ATP12A: variants seen among roughly 807,000 people sequenced by gnomAD.
The protein encoded by ATP12A is ATPase H+/K+ transporting non-gastric alpha2 subunit.
In ATP12A, 81 loss-of-function variants were observed where a neutral mutation model predicts 111.2. The observed-to-expected ratio is 0.73, with a 90% CI of 0.61 to 0.88. ATP12A has a LOEUF of 0.88. Among genes scored for constraint, ATP12A ranks in the 40% least tolerant of loss-of-function variants. The pLI is 0.00. For missense variants in ATP12A, 1,196 were observed against 1,313.1 expected, an observed-to-expected ratio of 0.91 and a Z score of 1.38; for synonymous variants, 498 against 499.8, an observed-to-expected ratio of 1.00 and a Z score of 0.05.
rs777074686 is a variant in ATP12A at position 24,690,303 on chromosome 13, G to A, written c.547-35G>A. 18 of 1,609,994 alleles carry A rather than the reference G, an allele frequency of 1.1e-5. No individual in the cohort carries two copies. The South Asian group carries it at 2.0e-4, about 18-fold the overall frequency. On this transcript the variant is annotated intron_variant, in intron 5 of 22. Coordinates refer to ENST00000381946, the MANE Select transcript of ATP12A (RefSeq NM_001676.7). ...TTGGGGGAGGGCCGGTGTCCTTCCA[G>A]GGTCTGAGGCATCTGTCATGGTTTT... is the stretch of plus-strand genomic sequence containing the variant.
In ATP12A at chr13:24,707,169, C is replaced by T. The variant is rs1427247901; in HGVS notation, c.2316C>T (p.Ser772=). 6.2e-7 allele frequency: 1 copy of T among 1,613,784 alleles called. No homozygotes were observed. Among genetic ancestry groups the T allele is most frequent in the African/African-American group, 1.3e-5 (1 of 74,926 alleles). ...DMVLLDDNFA[S]IVTGVEEGRL... ...TCTTGCTGGACGACAACTTCGCATCCATCGTCACAGGGGTGGAGGAAGGTG... is the reference window on the plus strand; with the variant it reads ...TCTTGCTGGACGACAACTTCGCATCTATCGTCACAGGGGTGGAGGAAGGTG... Residue 772 remains serine (S), a synonymous_variant, in exon 16 of 23, where the codon TCC becomes TCT. Coordinates refer to ENST00000381946, the MANE Select transcript of ATP12A (RefSeq NM_001676.7).
At chr13:24,686,129 CTGAAATAATGTCGAAAG>C (rs1874654380) in intron 3 of ATP12A, among the ~76,000 whole-genome samples, 1 of 152,124 alleles carries the variant, frequency 6.6e-6, no homozygotes, top group Non-Finnish European at 1.5e-5. Flanking sequence ...AAATGAGGAT[CTGAAATAATGTCGAAAG>C]ACATTACAGG....
In ATP12A at chr13:24,691,394, T is replaced by A. The variant is rs556297932; in HGVS notation, c.1068+144T>A. Reference sequence around the variant, plus strand: ...AGCGACAACCCTGGAACATTCTGCATAGACTGTTCCTTACAGAGACAAAAA... The same window carrying A: ...AGCGACAACCCTGGAACATTCTGCAAAGACTGTTCCTTACAGAGACAAAAA... On this transcript the variant is annotated intron_variant, in intron 8 of 22. Coordinates refer to ENST00000381946, the MANE Select transcript of ATP12A (RefSeq NM_001676.7). 4.8e-6 allele frequency: 5 copies of A among 1,047,394 alleles called. No homozygotes were observed. The Admixed American group carries it at 8.7e-5, about 18-fold the overall frequency. The allele number at this position is 1,047,394 out of a possible 1,614,324, so 64.9% of individuals were successfully genotyped here. A position where few individuals can be genotyped will look rare whatever the true frequency, so the allele number is the denominator to read the frequency against.
At chr13:24,691,873 G>A (rs1874920108) in intron 8 of ATP12A, among the ~76,000 whole-genome samples, 2 of 152,212 alleles carry the variant, frequency 1.3e-5, no homozygotes, top group Non-Finnish European at 2.9e-5. Context: ...AAGAGAAGAA[G>A]TTTTTGAAGT....
chr13:24,690,729 G>A lies in ATP12A; in HGVS notation c.799+8G>A, dbSNP rs1439535627. The A allele has an allele frequency of 1.2e-6, 2 of 1,608,632 alleles. No homozygotes were observed. Among genetic ancestry groups the A allele is most frequent in the Admixed American group, 1.7e-5 (1 of 59,534 alleles). ...CCACAACGTGTCTGGAAGGTAAAAGGCCTCTGGCTCTCAGCCCACATGTCC... is the reference window on the plus strand; with the variant it reads ...CCACAACGTGTCTGGAAGGTAAAAGACCTCTGGCTCTCAGCCCACATGTCC... On this transcript the variant is annotated splice_region_variant and intron_variant, in intron 7 of 22. Coordinates refer to ENST00000381946, the MANE Select transcript of ATP12A (RefSeq NM_001676.7).
At position 24,694,566 on chromosome 13, in the gene ATP12A, TAATAAATTTCAG is replaced by T; in HGVS notation, c.1501_1512del (p.Asn501_Gln504del). 1 of 1,612,922 alleles carries T rather than the reference TAATAAATTTCAG, an allele frequency of 6.2e-7. No homozygotes were observed. Among genetic ancestry groups the T allele is most frequent in the African/African-American group, 1.3e-5 (1 of 74,982 alleles). On this transcript the variant is annotated inframe_deletion and splice_region_variant, in exon 11 of 23. Transcript: ENST00000381946. Reference sequence around the variant, plus strand: ...TAGCTGAAATCCCTTTTAACTCTACTAATAAATTTCAGGTGAGTTTTTCCTCACAACCGGTAA... The same window carrying T: ...TAGCTGAAATCCCTTTTAACTCTACTGTGAGTTTTTCCTCACAACCGGTAA...
intron 3 of ATP12A, among the ~76,000 whole-genome samples, chr13:24,688,053 T>C (rs980608835): frequency 6.6e-6 from 1 of 152,176 alleles, no homozygotes; most frequent in African/African-American, 2.4e-5. Flanking sequence ...GGAGGAATAA[T>C]GGCCCCTGCC....
rs778198210 is a variant in ATP12A, at chr13:24,694,475, C to G, written c.1409C>G (p.Ala470Gly). The G allele has an allele frequency of 3.7e-6, 6 of 1,613,880 alleles. No homozygotes were observed. In the East Asian group the frequency reaches 1.3e-4, roughly 36 times the overall value. Residue 470 changes from alanine (A) to glycine (G), a missense_variant, in exon 11 of 23, where the codon GCT (alanine) becomes GGT (glycine). Transcript: ENST00000381946. ...KAVIGDASETALLKFSEVILG... is the reference protein window; with the variant it reads ...KAVIGDASETGLLKFSEVILG... ...GTGATTGGAGATGCCTCAGAAACTG[C>G]TCTTTTAAAATTCTCAGAGGTCATT...
chr13:24,707,295 C>T lies in ATP12A; in HGVS notation c.2355C>T (p.Asp785=). The change falls in exon 17 of 23, where the codon GAC becomes GAT. Residue 785 remains aspartate, a synonymous_variant. Transcript: ENST00000381946. ...TGVEEGRLIF[D]NLKKTIAYSL... ...TCTGCCTAGGTCGCCTGATCTTTGA[C>T]AACCTCAAGAAGACTATTGCTTATT... The T allele has an allele frequency of 1.2e-6, 2 of 1,614,204 alleles. No individual in the cohort carries two copies. The highest frequency in any genetic ancestry group is 1.7e-6 in the Non-Finnish European group (2 of 1,180,030).
chr13:24,710,889 C>T lies in ATP12A; in HGVS notation c.2995C>T (p.Leu999Phe). Reference protein sequence around the residue: ...GSVTALSFTMLRAQYWFVAVP... With the variant: ...GSVTALSFTMFRAQYWFVAVP... ...TGTCACAGCCTTGAGTTTCACCATG[C>T]TTAGGTGAGTTCACCCTCAACAGCA... The change falls in exon 21 of 23, where the codon CTT becomes TTT. Residue 999 changes from leucine to phenylalanine, a missense_variant. Transcript: ENST00000381946. The T allele has an allele frequency of 3.1e-6, 5 of 1,613,508 alleles. No individual in the cohort carries two copies. The highest frequency in any genetic ancestry group is 4.2e-6 in the Non-Finnish European group (5 of 1,179,438).
intron 1 of ATP12A, 52 bp from the exon 2 acceptor site, chr13:24,681,510 C>G (rs372676655): frequency 9.1e-5 from 145 of 1,588,088 alleles, no homozygotes; most frequent in Non-Finnish European, 1.2e-4. Context: ...CGCTCAGCAC[C>G]TCTTCGGAAA....
chr13:24,694,698 G>GA, intron 11 of ATP12A, 120 bp downstream of exon 11: 1 of 1,492,070 alleles, frequency 6.7e-7, no homozygotes. Flanking sequence ...AGTCGTCAGG[G>GA]ATACAGCACC....
intron 17 of ATP12A, among the ~76,000 whole-genome samples, chr13:24,708,900 G>GAAAGAAAGAAA (rs1172837437): frequency 3.1e-5 from 2 of 65,112 alleles, no homozygotes; most frequent in Non-Finnish European, 3.5e-5. Context: ...AAGAAAGAAA[G>GAAAGAAAGAAA]GAAAGAAAGA....
At position 24,690,646 on chromosome 13, in the gene ATP12A, C is replaced by T. The variant is rs771186944; in HGVS notation, c.724C>T (p.Arg242Cys). 41 of 1,613,744 alleles carry T rather than the reference C, an allele frequency of 2.5e-5. No homozygotes were observed. The highest frequency in any genetic ancestry group is 1.0e-4 in the Admixed American group (6 of 59,946). ...SLTGESEPQP[R>C]SSEFTHENPL... ...CACGGGGGAGTCTGAGCCCCAGCCC[C>T]GCTCCTCTGAGTTTACCCATGAAAA... Residue 242 changes from arginine (R) to cysteine (C), a missense_variant, in exon 7 of 23, where the codon CGC becomes TGC. Physicochemically the swap from Arg to Cys is radical, Grantham distance 180. Coordinates refer to ENST00000381946, the MANE Select transcript of ATP12A (RefSeq NM_001676.7).
In ATP12A at chr13:24,685,298, C is replaced by T. The variant is rs1323081496; in HGVS notation, c.169-16C>T. Reference sequence around the variant, plus strand: ...AATTATCTAATTCACTCTGTTCTTCCTTTCATGGACTTCAGGATGACCACA... The same window carrying T: ...AATTATCTAATTCACTCTGTTCTTCTTTTCATGGACTTCAGGATGACCACA... On this transcript the variant is annotated splice_polypyrimidine_tract_variant and intron_variant, in intron 2 of 22. Transcript: ENST00000381946. This position sits in a 1 kb window ranked among gnomAD's most constrained non-coding sequence, Gnocchi z 5.5. The T allele has an allele frequency of 6.2e-7, 1 of 1,612,458 alleles. No individual in the cohort carries two copies. Among genetic ancestry groups the T allele is most frequent in the Non-Finnish European group, 8.5e-7 (1 of 1,178,472 alleles).
chr13:24,709,457 C>T lies in ATP12A; in HGVS notation c.2587C>T (p.Pro863Ser), dbSNP rs2137724416. 1 of 1,614,090 alleles carries T rather than the reference C, an allele frequency of 6.2e-7. No homozygotes were observed. Among genetic ancestry groups the T allele is most frequent in the Non-Finnish European group, 8.5e-7 (1 of 1,180,028 alleles). Residue 863 changes from proline to serine, a missense_variant, in exon 18 of 23, where the codon CCG becomes TCG. Around this residue, in one of 3 missense-constraint regions of ATP12A, gnomAD observed 1,126 missense variants for 1,228.5 expected, o/e 0.92. Coordinates refer to ENST00000381946, the MANE Select transcript of ATP12A (RefSeq NM_001676.7). ...HKNKDRLVNQ[P>S]LAVYSYLHIG... is the part of the protein sequence containing the mutation. ...GAATAAGGACAGGCTGGTGAACCAG[C>T]CGCTCGCTGTGTACTCATACCTGCA...
At chr13:24,705,585 C>A (rs905410848) in intron 14 of ATP12A, among the ~76,000 whole-genome samples, 3 of 152,200 alleles carry the variant, frequency 2.0e-5, no homozygotes, top group Admixed American at 2.0e-4. Context: ...TCTGAAATAC[C>A]CAACGGCAAG....
At chr13:24,694,214 C>T (rs776534842) in intron 10 of ATP12A, among the ~76,000 whole-genome samples, 3 of 152,278 alleles carry the variant, frequency 2.0e-5, no homozygotes, top group East Asian at 1.9e-4. Context: ...CTTTTTTCCA[C>T]GAAATCTTCA....
chr13:24,705,315 A>T (rs944469823), intron 14 of ATP12A, among the ~76,000 whole-genome samples: 9 of 152,238 alleles, frequency 5.9e-5, no homozygotes, highest in African/African-American at 2.2e-4. Flanking sequence ...AGCGGGCAGG[A>T]GGGAGAGCCC....
Sources: allele counts gnomAD v4.1 joint callset (sites outside exome capture counted in the v4.1 genomes callset), GRCh38; gene constraint gnomAD v4.1.1; regional missense constraint gnomAD v4.1.1; non-coding constraint Gnocchi (gnomAD v3.1); transcripts MANE v1.5; gene names NCBI Gene and HGNC (gene_info 2026-07-23, HGNC 2026-07-21).